Variants in NRXN3 observed in about 807,000 individuals in gnomAD.
The protein encoded by NRXN3 is neurexin 3, also known as neurexin III.
NRXN3 carries 32 observed loss-of-function variants against 137.6 expected under a neutral mutation model. The observed-to-expected ratio is 0.23, with a 90% CI of 0.18 to 0.31. NRXN3 has a LOEUF of 0.31. NRXN3 is among the 10% of genes least tolerant of loss of function. NRXN3 has a pLI of 1.00. For missense variants in NRXN3, 1,574 were observed against 2,062.5 expected, an observed-to-expected ratio of 0.76 and a Z score of 4.59; for synonymous variants, 798 against 784.5, an observed-to-expected ratio of 1.02 and a Z score of -0.29.
chr14:79,377,083 A>C (rs989140866), intron 15 of NRXN3, among the ~76,000 whole-genome samples: 1 of 152,256 alleles, frequency 6.6e-6, no homozygotes, highest in Admixed American at 6.5e-5. Context: ...AATGATAAAC[A>C]TTCTCAGCAA....
intron 4 of NRXN3, among the ~76,000 whole-genome samples, chr14:78,482,071 G>C (rs2095481918): frequency 6.6e-6 from 1 of 152,068 alleles, no homozygotes; most frequent in Admixed American, 6.6e-5. Flanking sequence ...AAAATCCCAA[G>C]AAAAAGTTTT....
At chr14:78,441,581 T>TTA (rs201234788) in intron 4 of NRXN3, among the ~76,000 whole-genome samples, 15,407 of 144,152 alleles carry the variant, frequency 0.11, 1,121 homozygotes, top group African/African-American at 0.2. Context: ...ATTCATATTA[T>TTA]TTTTTTTTTT....
Position 79,863,685 on chromosome 14 carries a change from C to G in NRXN3, c.*1721C>G, listed in dbSNP as rs2141985053. On this transcript the variant is annotated 3_prime_UTR_variant, in exon 21 of 21. Coordinates refer to ENST00000335750, the MANE Select transcript of NRXN3 (RefSeq NM_001330195.2). Reference sequence around the variant, plus strand: ...CTTTTTGTAAAGAGGAAACAATGTACAGAAAAACAATAAACTGGTTGTATG... The same window carrying G: ...CTTTTTGTAAAGAGGAAACAATGTAGAGAAAAACAATAAACTGGTTGTATG... 1 of 152,484 alleles carries G rather than the reference C, an allele frequency of 6.6e-6. No homozygotes were observed. The highest frequency in any genetic ancestry group is 1.5e-5 in the Non-Finnish European group (1 of 67,984). 9.4% of individuals were successfully genotyped at this position (152,484 alleles called of 1,614,324 possible).
At chr14:79,185,106 C>A (rs917396847) in intron 15 of NRXN3, among the ~76,000 whole-genome samples, 2 of 152,258 alleles carry the variant, frequency 1.3e-5, no homozygotes, top group Admixed American at 1.3e-4. Flanking sequence ...CATTTTCATT[C>A]TAATAAGCTA....
intron 4 of NRXN3, among the ~76,000 whole-genome samples, chr14:78,564,399 G>GGACTGGGCTCT (rs2096818082): frequency 6.6e-6 from 1 of 152,160 alleles, no homozygotes; most frequent in Non-Finnish European, 1.5e-5. Context: ...TCTCTAGGTA[G>GGACTGGGCTCT]GACTGGGCTC....
At chr14:79,314,535 G>A (rs1226037997) in intron 15 of NRXN3, among the ~76,000 whole-genome samples, 11 of 41,462 alleles carry the variant, frequency 2.7e-4, no homozygotes, top group African/African-American at 9.2e-4. Context: ...CAAAGCAGCC[G>A]GGAAGCTCGA....
intron 20 of NRXN3, among the ~76,000 whole-genome samples, chr14:79,820,752 A>ATAAGT (rs977042793): frequency 9.9e-5 from 15 of 152,160 alleles, no homozygotes; most frequent in African/African-American, 3.4e-4. Flanking sequence ...AACATGCAGT[A>ATAAGT]TAAGTTAATG....
At chr14:79,796,390 C>T (rs908208974) in intron 19 of NRXN3, among the ~76,000 whole-genome samples, 1 of 152,124 alleles carries the variant, frequency 6.6e-6, no homozygotes, top group Non-Finnish European at 1.5e-5. Context: ...GTTCAATACT[C>T]CTCTTCCCTC....
intron 19 of NRXN3, among the ~76,000 whole-genome samples, chr14:79,720,554 T>G (rs2098841009): frequency 6.6e-6 from 1 of 152,076 alleles, no homozygotes; most frequent in African/African-American, 2.4e-5. Context: ...TATTAAACCT[T>G]TCTCGATGTT....
At chr14:79,376,199 T>A (rs182026899) in intron 15 of NRXN3, among the ~76,000 whole-genome samples, 1 of 46,456 alleles carries the variant, frequency 2.2e-5, no homozygotes, top group African/African-American at 9.0e-5. Context: ...CATGTGGGTG[T>A]GTGTGTGTGT....
At chr14:79,420,086 G>A (rs1044083670) in intron 15 of NRXN3, among the ~76,000 whole-genome samples, 34 of 152,180 alleles carry the variant, frequency 2.2e-4, no homozygotes, top group African/African-American at 7.5e-4. Context: ...CATAACAGAA[G>A]TAATGAAAGC....
chr14:79,100,530 C>G (rs1469465418), intron 15 of NRXN3, among the ~76,000 whole-genome samples: 1 of 152,158 alleles, frequency 6.6e-6, no homozygotes, highest in Non-Finnish European at 1.5e-5. Context: ...GATATTAGAT[C>G]CTAGAAATGA....
intron 1 of NRXN3, among the ~76,000 whole-genome samples, chr14:78,212,246 A>G (rs553317457): frequency 6.6e-6 from 1 of 152,378 alleles, no homozygotes; most frequent in African/African-American, 2.4e-5. Flanking sequence ...GTCATTGTAC[A>G]TGAAAATGAT....
intron 4 of NRXN3, among the ~76,000 whole-genome samples, chr14:78,575,163 C>T (rs1246354033): frequency 6.6e-6 from 1 of 152,176 alleles, no homozygotes; most frequent in Non-Finnish European, 1.5e-5. Context: ...CTGAGGCCTT[C>T]TCAGCCATGT....
chr14:78,645,157 G>A lies in NRXN3; in HGVS notation c.795G>A (p.Glu265=). ...ATGTGGCCACTTTCCGAGGCTCAGA[G>A]TATCTGTGCTACGACCTGTCTCAGA... is the stretch of plus-strand genomic sequence containing the variant. The part of the protein sequence containing the change: ...EENVATFRGS[E]YLCYDLSQNP... The change falls in exon 5 of 21, where the codon GAG becomes GAA. Residue 265 remains glutamate (E), a synonymous_variant. Transcript: ENST00000335750. The A allele has an allele frequency of 1.3e-6, 2 of 1,584,474 alleles. No individual in the cohort carries two copies. Among genetic ancestry groups the A allele is most frequent in the Non-Finnish European group, 1.7e-6 (2 of 1,172,562 alleles).
At chr14:78,933,332 G>T (rs1427244612) in intron 10 of NRXN3, among the ~76,000 whole-genome samples, 1 of 152,186 alleles carries the variant, frequency 6.6e-6, no homozygotes, top group East Asian at 1.9e-4. Flanking sequence ...TGTAAATATA[G>T]CCCAAGATAA....
chr14:79,762,040 G>T (rs2099040435), intron 19 of NRXN3, among the ~76,000 whole-genome samples: 1 of 151,642 alleles, frequency 6.6e-6, no homozygotes, highest in Non-Finnish European at 1.5e-5. Flanking sequence ...ATTGATTTGT[G>T]TAAGATGTCT....
intron 15 of NRXN3, among the ~76,000 whole-genome samples, chr14:78,994,870 C>A (rs1206607380): frequency 2.0e-5 from 3 of 152,044 alleles, no homozygotes; most frequent in Non-Finnish European, 4.4e-5. Context: ...CTACTAGGAC[C>A]TTTATAAGGA....
At chr14:79,622,305 T>C (rs1376334515) in intron 16 of NRXN3, among the ~76,000 whole-genome samples, 3 of 152,156 alleles carry the variant, frequency 2.0e-5, no homozygotes, top group Non-Finnish European at 4.4e-5. Flanking sequence ...GCTGCCAGAC[T>C]CAGAAGCAAG....
Sources: allele counts gnomAD v4.1 joint callset (sites outside exome capture counted in the v4.1 genomes callset), GRCh38; gene constraint gnomAD v4.1.1; transcripts MANE v1.5; gene names NCBI Gene and HGNC (gene_info 2026-07-23, HGNC 2026-07-21).